The following AUTS2 variants were observed in gnomAD, a reference collection of about 807,000 sequenced individuals.
AUTS2 encodes activator of transcription and developmental regulator AUTS2.
Under a neutral mutation model 112.4 loss-of-function variants are expected in AUTS2, and 17 were observed. The ratio of observed to expected loss-of-function variants is 0.15; its 90% CI spans 0.10 to 0.23. AUTS2 has a LOEUF of 0.23. Ranked by LOEUF, AUTS2 falls within the 10% of genes least tolerant of loss-of-function variation. AUTS2 has a pLI of 1.00. For missense variants in AUTS2, 1,510 were observed against 1,701.6 expected (o/e 0.89, Z 1.98); for synonymous variants, 751 against 702.7 (o/e 1.07, Z -1.09).
intron 5 of AUTS2, among the ~76,000 whole-genome samples, chr7:70,675,957 C>T (rs530175190): frequency 9.1e-4 from 139 of 152,266 alleles, no homozygotes; most frequent in African/African-American, 3.3e-3. Flanking sequence ...GGGGACCGCT[C>T]CATGGGGCAG....
chr7:70,063,180 A>G (rs1395330630), intron 2 of AUTS2, among the ~76,000 whole-genome samples: 1 of 152,074 alleles, frequency 6.6e-6, no homozygotes, highest in Non-Finnish European at 1.5e-5. Context: ...TTTATTGGAT[A>G]TGATCACCAA....
At chr7:70,470,528 C>A (rs1032724962) in intron 5 of AUTS2, among the ~76,000 whole-genome samples, 1 of 152,108 alleles carries the variant, frequency 6.6e-6, no homozygotes, top group African/African-American at 2.4e-5. Context: ...AATATGCTTC[C>A]TAGAGTCAAC....
At chr7:69,737,894 T>C (rs982121167) in intron 1 of AUTS2, among the ~76,000 whole-genome samples, 2 of 152,180 alleles carry the variant, frequency 1.3e-5, no homozygotes, top group Non-Finnish European at 2.9e-5. Flanking sequence ...CCTAACTGGG[T>C]ATATTCTGCC....
Position 70,790,590 on chromosome 7 carries a change from G to GCCACCACCA in AUTS2, c.3392_3400dup (p.His1131_His1133dup), listed in dbSNP as rs538005366. 56 of 1,600,838 alleles carry GCCACCACCA rather than the reference G, an allele frequency of 3.5e-5. No individual in the cohort carries two copies. The highest frequency in any genetic ancestry group is 2.1e-4 in the East Asian group (9 of 43,830). ...AGGGACCGGGAGCCTCACGACTACA[G>GCCACCACCA]CCACCACCACCACCACCACCACCAC... On this transcript the variant is annotated inframe_insertion, in exon 19 of 19. Coordinates refer to ENST00000342771, the MANE Select transcript of AUTS2 (RefSeq NM_015570.4). This position sits in a 1 kb window ranked among gnomAD's most constrained non-coding sequence, Gnocchi z 7.6.
chr7:70,483,817 T>G (rs1420623792), intron 5 of AUTS2, among the ~76,000 whole-genome samples: 1 of 147,600 alleles, frequency 6.8e-6, no homozygotes, highest in Admixed American at 6.7e-5. Flanking sequence ...AAAAAAAAAC[T>G]TATTAAAGAT....
At position 70,723,245 on chromosome 7, in the gene AUTS2, TTTTG is replaced by T. The variant is rs199706895; in HGVS notation, c.742+24641_742+24644del. 5.8e-4 allele frequency among the ~76,000 whole-genome samples: 88 copies of T among 152,198 alleles called. No homozygotes were observed. The East Asian group carries it at 0.015, about 26-fold the overall frequency. On this transcript the variant is annotated intron_variant, in intron 6 of 18. Coordinates refer to ENST00000342771, the MANE Select transcript of AUTS2 (RefSeq NM_015570.4). ...TGAACGCTGAAAATAACTTTTTCGG[TTTTG>T]TTTGTTTGTTTGTTTTCCTCTATAC...
chr7:70,548,161 C>T (rs1266922245), intron 5 of AUTS2, among the ~76,000 whole-genome samples: 2 of 152,172 alleles, frequency 1.3e-5, no homozygotes, highest in African/African-American at 2.4e-5. Flanking sequence ...CATCCCTCCC[C>T]GAAAGTCTGC....
chr7:70,160,315 A>G (rs566234850), intron 4 of AUTS2, among the ~76,000 whole-genome samples: 16 of 152,144 alleles, frequency 1.1e-4, no homozygotes, highest in Non-Finnish European at 2.2e-4. Context: ...TAGGATTTTG[A>G]TCACCTTCTT....
chr7:69,617,270 C>T (rs1249175510), intron 1 of AUTS2, among the ~76,000 whole-genome samples: 2 of 152,092 alleles, frequency 1.3e-5, no homozygotes, highest in Non-Finnish European at 1.5e-5. Flanking sequence ...CATTATGCAT[C>T]GTGTCACGTA....
intron 6 of AUTS2, among the ~76,000 whole-genome samples, chr7:70,755,288 A>G (rs1406064648): frequency 6.6e-6 from 1 of 151,342 alleles, no homozygotes; most frequent in Admixed American, 6.6e-5. Flanking sequence ...AAACACATGC[A>G]CCATATTTTT....
At chr7:69,952,350 A>G (rs1435344796) in intron 2 of AUTS2, among the ~76,000 whole-genome samples, 1 of 152,212 alleles carries the variant, frequency 6.6e-6, no homozygotes, top group African/African-American at 2.4e-5. Flanking sequence ...CAGATAGTTC[A>G]TGGGCAGCAG....
intron 4 of AUTS2, among the ~76,000 whole-genome samples, chr7:70,243,271 G>A (rs1056518871): frequency 6.9e-6 from 1 of 145,376 alleles, no homozygotes; most frequent in African/African-American, 2.6e-5. Context: ...GTGTGTGTGT[G>A]TGTGTGTGTA....
chr7:70,217,158 A>G (rs866189942), intron 4 of AUTS2, among the ~76,000 whole-genome samples: 20 of 152,232 alleles, frequency 1.3e-4, no homozygotes, highest in South Asian at 6.2e-4. Context: ...ACAGTTTAGA[A>G]TAAAATCACA....
chr7:70,485,407 G>T (rs1797951369), intron 5 of AUTS2, among the ~76,000 whole-genome samples: 1 of 152,080 alleles, frequency 6.6e-6, no homozygotes, highest in Non-Finnish European at 1.5e-5. Flanking sequence ...ACCTATAAGT[G>T]GGAGCTAAGC....
At chr7:70,658,860 A>G (rs895350279) in intron 5 of AUTS2, among the ~76,000 whole-genome samples, 2 of 152,254 alleles carry the variant, frequency 1.3e-5, no homozygotes, top group African/African-American at 4.8e-5. Flanking sequence ...AAGCACAGAC[A>G]TATTGCAGAG....
intron 1 of AUTS2, among the ~76,000 whole-genome samples, chr7:69,734,825 T>C (rs891810976): frequency 6.6e-5 from 10 of 152,200 alleles, no homozygotes; most frequent in Non-Finnish European, 1.3e-4. Flanking sequence ...AAAAGGTTTT[T>C]ATATAATTTG....
intron 2 of AUTS2, among the ~76,000 whole-genome samples, chr7:70,029,047 G>A (rs375053943): frequency 5.6e-4 from 85 of 152,276 alleles, no homozygotes; most frequent in African/African-American, 2.0e-3. Flanking sequence ...TAGGACAGGA[G>A]TGCACACTCT....
At chr7:70,374,929 A>G (rs1252393954) in intron 4 of AUTS2, among the ~76,000 whole-genome samples, 4 of 152,210 alleles carry the variant, frequency 2.6e-5, no homozygotes, top group African/African-American at 4.8e-5. Context: ...ACTGCCATCC[A>G]TAGACCCAGT....
At position 69,598,914 on chromosome 7, in the gene AUTS2, T is replaced by G. The variant is rs73437201; in HGVS notation, c.-740T>G. On this transcript the variant is annotated 5_prime_UTR_variant, in exon 1 of 19. Transcript: ENST00000342771. ...TTCCCTTCCTCCGCCTCCCTTCTCC[T>G]CCGCCGCTCGCAGTTTCGCCCTCTC... 0.25 allele frequency: 38,841 copies of G among 153,740 alleles called. 5,668 individuals carry two copies. Among genetic ancestry groups the G allele is most frequent in the East Asian group, 0.56 (2,891 of 5,154 alleles). The allele number at this position is 153,740 out of a possible 1,614,324, so 9.5% of individuals were successfully genotyped here.
Sources: allele counts gnomAD v4.1 joint callset (sites outside exome capture counted in the v4.1 genomes callset), GRCh38; gene constraint gnomAD v4.1.1; non-coding constraint Gnocchi (gnomAD v3.1); transcripts MANE v1.5; gene names NCBI Gene and HGNC (gene_info 2026-07-23, HGNC 2026-07-21).